Variants in UGT1A10 observed in about 807,000 individuals in gnomAD.
The protein encoded by UGT1A10 is UDP glucuronosyltransferase family 1 member A10.
In UGT1A10, 49 loss-of-function variants were observed where a neutral mutation model predicts 45.8. The observed-to-expected ratio is 1.07, with a 90% CI of 0.85 to 1.36. The LOEUF (loss-of-function observed/expected upper bound fraction) is 1.36, where lower values mean the gene tolerates loss of function less well. Among genes scored for constraint, UGT1A10 ranks in the 40% most tolerant of loss-of-function variants. The pLI is 0.00. For missense variants in UGT1A10, 745 were observed against 668.6 expected, an observed-to-expected ratio of 1.11 and a Z score of -1.26; for synonymous variants, 284 against 249.7, an observed-to-expected ratio of 1.14 and a Z score of -1.29.
At chr2:233,685,745 T>C (rs1337850077) in intron 1 of UGT1A10, among the ~76,000 whole-genome samples, 1 of 152,248 alleles carries the variant, frequency 6.6e-6, no homozygotes, top group Non-Finnish European at 1.5e-5. Context: ...CCATTTTTTC[T>C]TCCATTTTAA....
At chr2:233,647,606 T>C (rs2073637665) in intron 1 of UGT1A10, among the ~76,000 whole-genome samples, 1 of 152,246 alleles carries the variant, frequency 6.6e-6, no homozygotes, top group African/African-American at 2.4e-5. Context: ...TTTCTTCTTG[T>C]GTAAAGTCTG....
At chr2:233,668,082 T>C (rs1559331987) in intron 1 of UGT1A10, among the ~76,000 whole-genome samples, 1 of 152,092 alleles carries the variant, frequency 6.6e-6, no homozygotes, top group Non-Finnish European at 1.5e-5. Context: ...ATACTTTAAG[T>C]TCTAGGGTAC....
At chr2:233,720,871 A>ATTT (rs60621337) in intron 1 of UGT1A10, among the ~76,000 whole-genome samples, 7,391 of 132,696 alleles carry the variant, frequency 0.056, 241 homozygotes, top group Non-Finnish European at 0.067. Context: ...GCTCCTGGCA[A>ATTT]TTTTTTTTTT....
chr2:233,696,602 T>C (rs1304654610), intron 1 of UGT1A10, among the ~76,000 whole-genome samples: 1 of 136,470 alleles, frequency 7.3e-6, no homozygotes, highest in Non-Finnish European at 1.6e-5. Context: ...CCAACTTGGA[T>C]GCCCTTTCTT....
chr2:233,676,294 A>G (rs763772533), intron 1 of UGT1A10, among the ~76,000 whole-genome samples: 16 of 152,150 alleles, frequency 1.1e-4, no homozygotes, highest in Non-Finnish European at 2.2e-4. Flanking sequence ...GGTCCTGCAA[A>G]TATTTTCTCA....
intron 1 of UGT1A10, among the ~76,000 whole-genome samples, chr2:233,667,509 A>C (rs930870181): frequency 1.3e-5 from 2 of 152,240 alleles, no homozygotes; most frequent in Admixed American, 1.3e-4. Context: ...AAGCAGTGGC[A>C]ACAAAAGCCA....
intron 1 of UGT1A10, among the ~76,000 whole-genome samples, chr2:233,689,163 C>T (rs1201138635): frequency 6.6e-6 from 1 of 152,222 alleles, no homozygotes; most frequent in Non-Finnish European, 1.5e-5. Context: ...AACACCTTAT[C>T]TTCTACTAGG....
Position 233,636,532 on chromosome 2 carries a change from G to T in UGT1A10, c.10G>T (p.Ala4Ser), listed in dbSNP as rs756885476. 3.1e-6 allele frequency: 5 copies of T among 1,612,942 alleles called. No individual in the cohort carries two copies. In the African/African-American group the frequency reaches 6.7e-5, roughly 22 times the overall value. Residue 4 changes from alanine (A) to serine (S), a missense_variant, in exon 1 of 5, where the codon GCA becomes TCA. Transcript: ENST00000344644. Reference protein sequence around the residue: MARAGWTSPVPLCV... With the variant: MARSGWTSPVPLCV... ...GGGCTGCAGTTCTCTCATGGCTCGCGCAGGGTGGACCAGCCCCGTTCCTTT... is the reference window on the plus strand; with the variant it reads ...GGGCTGCAGTTCTCTCATGGCTCGCTCAGGGTGGACCAGCCCCGTTCCTTT...
intron 1 of UGT1A10, among the ~76,000 whole-genome samples, chr2:233,751,420 G>C (rs1694723370): frequency 6.6e-6 from 1 of 152,164 alleles, no homozygotes; most frequent in Non-Finnish European, 1.5e-5. Context: ...TTTTGAGCTA[G>C]TGCTGAAATG....
At chr2:233,678,458 G>A (rs2074417678) in intron 1 of UGT1A10, among the ~76,000 whole-genome samples, 1 of 152,150 alleles carries the variant, frequency 6.6e-6, no homozygotes, top group African/African-American at 2.4e-5. Flanking sequence ...AGGTGGAAGT[G>A]GAGGCAGGAG....
chr2:233,732,054 CA>C (rs1380241108), intron 1 of UGT1A10, among the ~76,000 whole-genome samples: 13 of 152,278 alleles, frequency 8.5e-5, no homozygotes, highest in Non-Finnish European at 4.4e-5. Flanking sequence ...AGCATTTATT[CA>C]TGTGTCTGTT....
chr2:233,772,776 CTT>C lies in UGT1A10; in HGVS notation c.*219_*220del. On this transcript the variant is annotated 3_prime_UTR_variant, in exon 5 of 5. Transcript: ENST00000344644. Reference sequence around the variant, plus strand: ...ATATGTATCGTGCCCCCTCTGGTGTCTTTGATCAGGATGACATGTGCCATTTT... The same window carrying C: ...ATATGTATCGTGCCCCCTCTGGTGTCTGATCAGGATGACATGTGCCATTTT... The C allele has an allele frequency of 7.6e-7, 1 of 1,308,314 alleles. No individual in the cohort carries two copies. The highest frequency in any genetic ancestry group is 1.0e-6 in the Non-Finnish European group (1 of 993,234). The allele number at this position is 1,308,314 out of a possible 1,614,324, so 81.0% of individuals were successfully genotyped here.
At chr2:233,739,280 A>G (rs1046520383) in intron 1 of UGT1A10, among the ~76,000 whole-genome samples, 11 of 152,210 alleles carry the variant, frequency 7.2e-5, no homozygotes, top group African/African-American at 2.7e-4. Context: ...GCCCCCACAC[A>G]GAGTCTCCAC....
At chr2:233,658,613 T>C (rs1299951770) in intron 1 of UGT1A10, among the ~76,000 whole-genome samples, 2 of 152,220 alleles carry the variant, frequency 1.3e-5, no homozygotes, top group African/African-American at 2.4e-5. Flanking sequence ...TCAGTCTTGG[T>C]TTGTCTGATG....
chr2:233,678,821 A>G (rs1575423508), intron 1 of UGT1A10, among the ~76,000 whole-genome samples: 2 of 152,174 alleles, frequency 1.3e-5, no homozygotes, highest in East Asian at 3.9e-4. Flanking sequence ...CAAGAGTCAT[A>G]TTTTGAAATA....
chr2:233,765,261 T>C (rs1002454529), intron 1 of UGT1A10, among the ~76,000 whole-genome samples: 2 of 152,188 alleles, frequency 1.3e-5, no homozygotes, highest in Admixed American at 1.3e-4. Flanking sequence ...ACTGGGTATA[T>C]ACCCAAAGAA....
chr2:233,722,551 G>A (rs1195630832), intron 1 of UGT1A10, among the ~76,000 whole-genome samples: 3 of 152,024 alleles, frequency 2.0e-5, no homozygotes, highest in Admixed American at 6.5e-5. Context: ...AGTTTCTTTT[G>A]GTTGATTTGT....
chr2:233,637,741 A>G (rs190798744), intron 1 of UGT1A10, among the ~76,000 whole-genome samples: 2 of 152,282 alleles, frequency 1.3e-5, no homozygotes, highest in South Asian at 2.1e-4. Flanking sequence ...TCATTGAAAA[A>G]AAGTATTTTA....
In UGT1A10 at chr2:233,672,356, C is replaced by G. The variant is rs76167146; in HGVS notation, c.855+34979C>G. ...TTAGTAGAATACTTAAAGGAGAGTT[C>G]TTTTGATGCAGTGTTTCTCGATCCT... On this transcript the variant is annotated intron_variant, in intron 1 of 4. Transcript: ENST00000344644. 47 of 1,613,856 alleles carry G rather than the reference C, an allele frequency of 2.9e-5. No individual in the cohort carries two copies. The East Asian group carries it at 4.0e-4, about 14-fold the overall frequency.
Sources: allele counts gnomAD v4.1 joint callset (sites outside exome capture counted in the v4.1 genomes callset), GRCh38; gene constraint gnomAD v4.1.1; transcripts MANE v1.5; gene names NCBI Gene and HGNC (gene_info 2026-07-23, HGNC 2026-07-21).